The following SCFD1 variants were observed in gnomAD, a reference collection of about 807,000 sequenced individuals.
SCFD1 encodes sec1 family domain-containing protein 1.
In SCFD1, 37 loss-of-function variants were observed where a neutral mutation model predicts 103.2. The observed-to-expected ratio is 0.36, with a 90% CI of 0.28 to 0.47. SCFD1 has a LOEUF of 0.47. Among genes scored for constraint, SCFD1 ranks in the 20% least tolerant of loss-of-function variants. SCFD1 has a pLI of 1.00. For synonymous variants in SCFD1, 264 were observed against 245.0 expected (o/e 1.08, Z -0.73); for missense variants, 639 against 761.2 (o/e 0.84, Z 1.89).
chr14:30,644,196 C>T (rs141736168), intron 7 of SCFD1, among the ~76,000 whole-genome samples: 370 of 152,270 alleles, frequency 2.4e-3, no homozygotes, highest in African/African-American at 8.5e-3. Flanking sequence ...TTTTATGGCT[C>T]TATAAGTATT....
chr14:30,703,963 A>AT lies in SCFD1; in HGVS notation c.1490+1588_1490+1589insT, dbSNP rs1555358520. Among the ~76,000 whole-genome samples, 426 of 45,534 alleles carry AT rather than the reference A, an allele frequency of 9.4e-3. 41 individuals carry two copies. Among genetic ancestry groups the AT allele is most frequent in the African/African-American group, 0.025 (69 of 2,752 alleles). The allele number at this position is 45,534 out of a possible 152,430, so 29.9% of individuals were successfully genotyped here. Reference sequence around the variant, plus strand: ...TATATATATATATATATATATATATAAATAATGAGATATCTTGGGGATGGG... The same window carrying AT: ...TATATATATATATATATATATATATATAATAATGAGATATCTTGGGGATGGG... On this transcript the variant is annotated intron_variant, in intron 17 of 24. Coordinates refer to ENST00000458591, the MANE Select transcript of SCFD1 (RefSeq NM_016106.4).
At chr14:30,648,281 G>A (rs1468514012) in intron 7 of SCFD1, among the ~76,000 whole-genome samples, 3 of 151,976 alleles carry the variant, frequency 2.0e-5, no homozygotes, top group African/African-American at 7.3e-5. Flanking sequence ...TTGCTATTTT[G>A]TGTTTTTACT....
intron 10 of SCFD1, among the ~76,000 whole-genome samples, chr14:30,668,672 G>A (rs1210398219): frequency 1.3e-5 from 2 of 152,030 alleles, no homozygotes; most frequent in Admixed American, 6.6e-5. Context: ...CTAATAACCA[G>A]AATCTACAAA....
intron 22 of SCFD1, among the ~76,000 whole-genome samples, chr14:30,722,282 T>A (rs994110430): frequency 6.6e-6 from 1 of 152,134 alleles, no homozygotes; most frequent in African/African-American, 2.4e-5. Context: ...ATAGTTATTT[T>A]CCTCTAAATT....
At chr14:30,730,684 C>T (rs529297414) in intron 23 of SCFD1, among the ~76,000 whole-genome samples, 28 of 152,286 alleles carry the variant, frequency 1.8e-4, no homozygotes, top group Admixed American at 3.9e-4. Context: ...TCATATCCTT[C>T]GCCCACTTTT....
chr14:30,644,622 A>G (rs1288714201), intron 7 of SCFD1, among the ~76,000 whole-genome samples: 2 of 152,064 alleles, frequency 1.3e-5, no homozygotes, highest in African/African-American at 4.8e-5. Context: ...ATTTTTTCAT[A>G]TGCTTGCTGG....
chr14:30,666,818 C>A (rs551896065), intron 10 of SCFD1, among the ~76,000 whole-genome samples: 1 of 152,252 alleles, frequency 6.6e-6, no homozygotes, highest in South Asian at 2.1e-4. Context: ...TGGATAAATT[C>A]CTGGACACAT....
intron 15 of SCFD1, among the ~76,000 whole-genome samples, chr14:30,698,123 G>A (rs1310911567): frequency 3.9e-5 from 6 of 152,260 alleles, no homozygotes; most frequent in Admixed American, 2.0e-4. Flanking sequence ...ATTTCAGGGA[G>A]AACAAAAGCT....
intron 1 of SCFD1, among the ~76,000 whole-genome samples, chr14:30,625,272 T>C (rs1250734566): frequency 2.0e-5 from 3 of 152,166 alleles, no homozygotes; most frequent in African/African-American, 7.2e-5. Context: ...TCTAGGAATA[T>C]GGATACAGGT....
intron 14 of SCFD1, chr14:30,676,779 T>C (rs1889067683): frequency 6.6e-6 from 1 of 152,140 alleles, no homozygotes; most frequent in Non-Finnish European, 1.5e-5. Context: ...TGTTTTAAAA[T>C]AAAGAAGACT....
chr14:30,654,013 C>G (rs1196600226), intron 10 of SCFD1: 1 of 152,686 alleles, frequency 6.5e-6, no homozygotes, highest in Non-Finnish European at 1.5e-5. Flanking sequence ...TATGTTACAC[C>G]ATATGTTTTC....
chr14:30,658,082 G>A (rs1011351966), intron 10 of SCFD1: 19 of 455,454 alleles, frequency 4.2e-5, no homozygotes, highest in Non-Finnish European at 7.5e-5. Flanking sequence ...CTTGGTTGCA[G>A]GAGAGGTGGA....
intron 14 of SCFD1, among the ~76,000 whole-genome samples, chr14:30,692,876 A>G (rs574188763): frequency 1.3e-5 from 2 of 152,066 alleles, no homozygotes; most frequent in South Asian, 4.2e-4. Flanking sequence ...TTCTTTCACT[A>G]CTTTGTATCC....
At chr14:30,698,301 T>C (rs991596601) in intron 15 of SCFD1, among the ~76,000 whole-genome samples, 2 of 152,186 alleles carry the variant, frequency 1.3e-5, no homozygotes, top group African/African-American at 4.8e-5. Context: ...ATGCTGACAA[T>C]TTCAGTTTGG....
intron 19 of SCFD1, 107 bp downstream of exon 19, chr14:30,708,172 A>T: frequency 1.4e-6 from 1 of 719,200 alleles, no homozygotes; most frequent in Non-Finnish European, 2.4e-6. Flanking sequence ...AATAAATAGG[A>T]ATCATAAAAT....
chr14:30,705,563 G>A (rs1396670900), intron 17 of SCFD1, among the ~76,000 whole-genome samples: 3 of 152,170 alleles, frequency 2.0e-5, no homozygotes, highest in African/African-American at 7.2e-5. Context: ...TTGAGCCTGG[G>A]AGGTCAAGGC....
intron 10 of SCFD1, among the ~76,000 whole-genome samples, chr14:30,666,035 G>C (rs536273276): frequency 6.6e-6 from 1 of 152,200 alleles, no homozygotes; most frequent in Admixed American, 6.5e-5. Context: ...GGATATCCAG[G>C]AATTGAACTG....
At chr14:30,671,521 T>A (rs1368466388) in intron 11 of SCFD1, among the ~76,000 whole-genome samples, 1 of 152,108 alleles carries the variant, frequency 6.6e-6, no homozygotes, top group Non-Finnish European at 1.5e-5. Flanking sequence ...TGTATTCAAA[T>A]ATGGAAATTT....
intron 5 of SCFD1, among the ~76,000 whole-genome samples, chr14:30,639,020 C>G (rs1885011450): frequency 1.3e-5 from 2 of 152,130 alleles, no homozygotes; most frequent in South Asian, 2.1e-4. Context: ...TCTTTGTGCT[C>G]AAAATTTATT....
Sources: allele counts gnomAD v4.1 joint callset (sites outside exome capture counted in the v4.1 genomes callset), GRCh38; gene constraint gnomAD v4.1.1; transcripts MANE v1.5; gene names NCBI Gene and HGNC (gene_info 2026-07-23, HGNC 2026-07-21).